The following RTN1 variants were observed in gnomAD, a reference collection of about 807,000 sequenced individuals.
RTN1 encodes reticulon-1.
Under a neutral mutation model 65.5 loss-of-function variants are expected in RTN1, and 25 were observed. That is an observed-to-expected ratio of 0.38 (90% CI 0.28 to 0.53). The LOEUF (loss-of-function observed/expected upper bound fraction) is 0.53. RTN1 is among the 20% of genes least tolerant of loss of function. RTN1 has a pLI of 0.79. For synonymous variants in RTN1, 471 were observed against 447.6 expected (o/e 1.05, Z -0.66); for missense variants, 983 against 1,025.4 (o/e 0.96, Z 0.57).
chr14:59,720,949 C>T (rs773632623), intron 3 of RTN1, among the ~76,000 whole-genome samples: 10 of 151,308 alleles, frequency 6.6e-5, no homozygotes, highest in Middle Eastern at 3.2e-3. Context: ...CTTTATAGCC[C>T]GGTATATTAA....
intron 3 of RTN1, among the ~76,000 whole-genome samples, chr14:59,648,490 A>G (rs1033699929): frequency 6.6e-6 from 1 of 152,206 alleles, no homozygotes; most frequent in African/African-American, 2.4e-5. Flanking sequence ...CACAACAAAG[A>G]AAACTTCAGC....
chr14:59,746,845 A>C lies in RTN1; in HGVS notation c.242-364T>G, dbSNP rs1189463408. ...AACCCTCTTTGTATCTAAAGTATTA[A>C]CAGCTCTTTAAGTAGAGGTGGAAAT... On this transcript the variant is annotated intron_variant, in intron 1 of 8. Coordinates refer to ENST00000267484, the MANE Select transcript of RTN1 (RefSeq NM_021136.3). 4.6e-5 allele frequency among the ~76,000 whole-genome samples: 7 copies of C among 152,186 alleles called. No homozygotes were observed. In the East Asian group the frequency reaches 1.3e-3, roughly 29 times the overall value.
At chr14:59,668,673 A>C (rs1023468999) in intron 3 of RTN1, among the ~76,000 whole-genome samples, 1 of 152,210 alleles carries the variant, frequency 6.6e-6, no homozygotes, top group Non-Finnish European at 1.5e-5. Flanking sequence ...GGCAACCTAC[A>C]GAATCGGAGA....
chr14:59,630,732 A>G (rs1174514416), intron 3 of RTN1: 1 of 1,108,514 alleles, frequency 9.0e-7, no homozygotes, highest in Non-Finnish European at 1.1e-6. Flanking sequence ...GCCTGCGCGC[A>G]TGGGGATGCG....
chr14:59,802,890 T>A (rs1012816834), intron 1 of RTN1, among the ~76,000 whole-genome samples: 1 of 152,092 alleles, frequency 6.6e-6, no homozygotes, highest in Non-Finnish European at 1.5e-5. Context: ...CTTTTGCCTG[T>A]CTAAAGGTAA....
chr14:59,713,272 G>T (rs1342433595), intron 3 of RTN1, among the ~76,000 whole-genome samples: 1 of 152,184 alleles, frequency 6.6e-6, no homozygotes, highest in Non-Finnish European at 1.5e-5. Context: ...AGGGGCCACT[G>T]GTGGGGGAAA....
At chr14:59,843,272 G>A (rs1206779040) in intron 1 of RTN1, among the ~76,000 whole-genome samples, 2 of 152,202 alleles carry the variant, frequency 1.3e-5, no homozygotes, top group Non-Finnish European at 2.9e-5. Context: ...CCACTCTGTG[G>A]TGATAGAAGC....
chr14:59,799,967 G>A (rs1428758667), intron 1 of RTN1, among the ~76,000 whole-genome samples: 1 of 152,120 alleles, frequency 6.6e-6, no homozygotes, highest in Non-Finnish European at 1.5e-5. Context: ...GCTAGATGGG[G>A]AGAATTCCTA....
intron 3 of RTN1, among the ~76,000 whole-genome samples, chr14:59,659,395 C>T (rs1052878367): frequency 2.0e-5 from 3 of 152,026 alleles, no homozygotes; most frequent in African/African-American, 4.8e-5. Flanking sequence ...GAGAACACCA[C>T]AAAGATAATT....
In RTN1 at chr14:59,676,779, G is replaced by A. The variant is rs189614884; in HGVS notation, c.1765+50140C>T. ...GAAGCCCTAGCATATGCACTTTAACGGGTTTCTAAGGTCATTCTTAAACAC... is the reference window on the plus strand; with the variant it reads ...GAAGCCCTAGCATATGCACTTTAACAGGTTTCTAAGGTCATTCTTAAACAC... On this transcript the variant is annotated intron_variant, in intron 3 of 8. Coordinates refer to ENST00000267484, the MANE Select transcript of RTN1 (RefSeq NM_021136.3). 2.9e-3 allele frequency among the ~76,000 whole-genome samples: 436 copies of A among 151,136 alleles called. 3 individuals carry two copies. Among genetic ancestry groups the A allele is most frequent in the African/African-American group, 0.011 (427 of 40,510 alleles).
intron 3 of RTN1, among the ~76,000 whole-genome samples, chr14:59,674,019 A>G (rs1425313989): frequency 6.6e-6 from 1 of 152,202 alleles, no homozygotes; most frequent in Non-Finnish European, 1.5e-5. Context: ...TATCACCACA[A>G]TAAAGATATT....
intron 1 of RTN1, among the ~76,000 whole-genome samples, chr14:59,817,754 C>T (rs1420641425): frequency 6.6e-6 from 1 of 152,138 alleles, no homozygotes; most frequent in Non-Finnish European, 1.5e-5. Context: ...CGAAGTGCAC[C>T]CATTTGTCCA....
intron 1 of RTN1, among the ~76,000 whole-genome samples, chr14:59,749,821 TTATATATATCTATATGTATATTTA>T (rs1566712761): frequency 1.1e-4 from 12 of 107,390 alleles, no homozygotes; most frequent in East Asian, 2.5e-4. Flanking sequence ...ATATGTATAT[TTATATATATCTATATGTATATTTA>T]TATATATATC....
In RTN1 at chr14:59,727,153, G is replaced by A. The variant is rs1286293609; in HGVS notation, c.1531C>T (p.Pro511Ser). 1.3e-6 allele frequency: 2 copies of A among 1,599,236 alleles called. No homozygotes were observed. The highest frequency in any genetic ancestry group is 1.7e-6 in the Non-Finnish European group (2 of 1,173,046). ...GGCTCGGCCAGGCCCCGCCGGCTTG[G>A]CGCACGCTCCTCGGCCCGGACGCCA... ...ETGVRAEERA[P>S]SRRGLAEPGS... Residue 511 changes from proline to serine, a missense_variant, in exon 3 of 9, where the codon CCA (proline) becomes TCA (serine). Pro to Ser is a moderately conservative substitution (Grantham distance 74). Transcript: ENST00000267484. This position sits in a 1 kb window ranked among gnomAD's most constrained non-coding sequence, Gnocchi z 4.2.
intron 3 of RTN1, among the ~76,000 whole-genome samples, chr14:59,622,789 T>C (rs966052432): frequency 1.3e-5 from 2 of 152,214 alleles, no homozygotes; most frequent in Non-Finnish European, 2.9e-5. Flanking sequence ...CCCACATCAG[T>C]TGAAGGTTCA....
At chr14:59,763,724 G>A (rs1026522215) in intron 1 of RTN1, among the ~76,000 whole-genome samples, 1 of 151,712 alleles carries the variant, frequency 6.6e-6, no homozygotes, top group Non-Finnish European at 1.5e-5. Flanking sequence ...GTAGAGATGG[G>A]GTTTCACTGT....
intron 3 of RTN1, among the ~76,000 whole-genome samples, chr14:59,708,737 T>C (rs2139455456): frequency 6.6e-6 from 1 of 152,274 alleles, no homozygotes; most frequent in South Asian, 2.1e-4. Context: ...ATCTGAGGGG[T>C]AGAGACTATC....
At chr14:59,833,831 T>C (rs1459999992) in intron 1 of RTN1, among the ~76,000 whole-genome samples, 1 of 152,246 alleles carries the variant, frequency 6.6e-6, no homozygotes, top group Admixed American at 6.5e-5. Flanking sequence ...ACAGTCATTT[T>C]ACTCCCCAAA....
At chr14:59,769,897 G>A (rs1462352411) in intron 1 of RTN1, among the ~76,000 whole-genome samples, 1 of 152,130 alleles carries the variant, frequency 6.6e-6, no homozygotes, top group East Asian at 1.9e-4. Flanking sequence ...TTTCCCAGAG[G>A]AACTGGTGTT....
Sources: gnomAD v4.1 joint callset for allele counts (sites outside exome capture counted in the v4.1 genomes callset) on GRCh38, gnomAD v4.1.1 for gene constraint, Gnocchi (gnomAD v3.1) non-coding constraint, MANE v1.5 for transcripts, NCBI Gene and HGNC (gene_info 2026-07-23, HGNC 2026-07-21) for gene names.